CREG2: variants seen among roughly 807,000 people sequenced by gnomAD.
CREG2 encodes cellular repressor of E1A stimulated genes 2, also known as protein CREG2.
Under a neutral mutation model 26.2 loss-of-function variants are expected in CREG2, and 24 were observed. The ratio of observed to expected loss-of-function variants is 0.92; its 90% CI spans 0.66 to 1.29. The LOEUF is 1.29. CREG2 is among the 50% of genes most tolerant of loss of function. CREG2 has a pLI of 0.00. For missense variants in CREG2, 366 were observed against 398.6 expected, an observed-to-expected ratio of 0.92 and a Z score of 0.70; for synonymous variants, 174 against 169.2, an observed-to-expected ratio of 1.03 and a Z score of -0.22.
In CREG2 at chr2:101,348,621, T is replaced by C. The variant is rs1410593123; in HGVS notation, c.*2302A>G. On this transcript the variant is annotated 3_prime_UTR_variant, in exon 4 of 4. Coordinates refer to ENST00000324768, the MANE Select transcript of CREG2 (RefSeq NM_153836.4). ...AGCATAGAGAAATGCAATTGACTTTTGTATGCTGATCTTGTGTCCTGAGAC... is the reference window on the plus strand; with the variant it reads ...AGCATAGAGAAATGCAATTGACTTTCGTATGCTGATCTTGTGTCCTGAGAC... 6.6e-6 allele frequency: 1 copy of C among 152,246 alleles called. No homozygotes were observed. Among genetic ancestry groups the C allele is most frequent in the Non-Finnish European group, 1.5e-5 (1 of 68,042 alleles). 9.4% of individuals were successfully genotyped at this position (152,246 alleles called of 1,614,324 possible). A position where few individuals can be genotyped will look rare whatever the true frequency, so the allele number is the denominator to read the frequency against.
chr2:101,386,063 T>A (rs1684962743), intron 1 of CREG2, among the ~76,000 whole-genome samples: 2 of 152,324 alleles, frequency 1.3e-5, no homozygotes, highest in East Asian at 1.9e-4. Flanking sequence ...CATTTGACAC[T>A]GAAGAGGTTA....
rs192858444 is a variant in CREG2 at position 101,357,749 on chromosome 2, A to G, written c.612-2383T>C. ...CCCCTGTTTAGAAGTAAGAAAAGTG[A>G]AACTCAGAGGGGTTAAGTTGTCCAG... On this transcript the variant is annotated intron_variant, in intron 2 of 3. Coordinates refer to ENST00000324768, the MANE Select transcript of CREG2 (RefSeq NM_153836.4). Among the ~76,000 whole-genome samples the G allele has an allele frequency of 8.7e-4, 132 of 152,066 alleles. 2 individuals carry two copies. Among genetic ancestry groups the G allele is most frequent in the African/African-American group, 3.1e-3 (130 of 41,522 alleles).
At chr2:101,382,427 GAAA>G (rs11312683) in intron 2 of CREG2, 1,103 of 764,962 alleles carry the variant, frequency 1.4e-3, no homozygotes, top group Middle Eastern at 2.6e-3. Flanking sequence ...ACTCTATCTC[GAAA>G]AAAAAAAAAA....
At chr2:101,383,200 CT>C in intron 2 of CREG2, 2 of 355,378 alleles carry the variant, frequency 5.6e-6, no homozygotes, top group Non-Finnish European at 9.9e-6. Flanking sequence ...CACCCTCGCC[CT>C]TTTCCATAAC....
At position 101,346,517 on chromosome 2, in the gene CREG2, G is replaced by A. The variant is rs745504190; in HGVS notation, c.*4406C>T. The stretch of plus-strand genomic sequence containing the variant: ...TATACAGCAGATTTGTTGAATTCTT[G>A]TTAATTTGTATTTAACATTAAATTG... On this transcript the variant is annotated 3_prime_UTR_variant, in exon 4 of 4. Coordinates refer to ENST00000324768, the MANE Select transcript of CREG2 (RefSeq NM_153836.4). 6.6e-6 allele frequency: 1 copy of A among 152,080 alleles called. No individual in the cohort carries two copies. The highest frequency in any genetic ancestry group is 1.5e-5 in the Non-Finnish European group (1 of 68,016). 9.4% of individuals were successfully genotyped at this position (152,080 alleles called of 1,614,324 possible).
intron 2 of CREG2, chr2:101,382,414 GAA>G (rs1382322746): frequency 1.2e-6 from 1 of 853,156 alleles, no homozygotes; most frequent in Non-Finnish European, 1.4e-6. Flanking sequence ...AAACAAGAGC[GAA>G]ACTCTATCTC....
chr2:101,368,785 C>T (rs529251661), intron 2 of CREG2, among the ~76,000 whole-genome samples: 1 of 152,272 alleles, frequency 6.6e-6, no homozygotes, highest in East Asian at 1.9e-4. Flanking sequence ...GGCCCCTTGC[C>T]CCAAGTGAGG....
At position 101,387,447 on chromosome 2, in the gene CREG2, C is replaced by A. The variant is rs1038957036; in HGVS notation, c.11G>T (p.Arg4Leu). The part of the protein sequence containing the change: MSV[R>L]RGRRPARPGT... ...CGGCCGCGCCGGCCGCCGGCCGCGG[C>A]GCACGGACATCTTGCAGGCAGCACG... Residue 4 changes from arginine (R) to leucine (L), a missense_variant, in exon 1 of 4, where the codon CGC (arginine) becomes CTC (leucine). Physicochemically the swap from Arg to Leu is moderately radical, Grantham distance 102. Coordinates refer to ENST00000324768, the MANE Select transcript of CREG2 (RefSeq NM_153836.4). This position sits in a 1 kb window ranked among gnomAD's most constrained non-coding sequence, Gnocchi z 4.7. 32 of 1,212,368 alleles carry A rather than the reference C, an allele frequency of 2.6e-5. No homozygotes were observed. The highest frequency in any genetic ancestry group is 3.3e-5 in the Non-Finnish European group (32 of 963,150). 75.1% of individuals were successfully genotyped at this position (1,212,368 alleles called of 1,614,324 possible).
intron 2 of CREG2, among the ~76,000 whole-genome samples, chr2:101,381,000 T>C (rs1684863647): frequency 6.6e-6 from 1 of 152,106 alleles, no homozygotes; most frequent in Non-Finnish European, 1.5e-5. Flanking sequence ...CAGTTTTCAT[T>C]GTTCTGAGTA....
At chr2:101,378,964 C>T (rs568914537) in intron 2 of CREG2, among the ~76,000 whole-genome samples, 9 of 151,930 alleles carry the variant, frequency 5.9e-5, no homozygotes, top group Admixed American at 5.9e-4. Flanking sequence ...CGAGATTGCA[C>T]CACTGCACTC....
At chr2:101,355,855 C>T (rs1684449854) in intron 2 of CREG2, among the ~76,000 whole-genome samples, 1 of 152,058 alleles carries the variant, frequency 6.6e-6, no homozygotes, top group South Asian at 2.1e-4. Flanking sequence ...TCCCAGAGGG[C>T]ATGTATTACA....
chr2:101,353,798 G>T (rs1476684885), intron 3 of CREG2, among the ~76,000 whole-genome samples: 3 of 152,178 alleles, frequency 2.0e-5, no homozygotes, highest in African/African-American at 7.2e-5. Context: ...AAAAGGATGA[G>T]TTCATGTCCT....
At chr2:101,356,897 C>CT (rs1211153593) in intron 2 of CREG2, among the ~76,000 whole-genome samples, 11 of 147,070 alleles carry the variant, frequency 7.5e-5, no homozygotes, top group South Asian at 2.2e-4. Context: ...ACTTTTTCTT[C>CT]TTTTTTTTTT....
intron 2 of CREG2, chr2:101,375,681 C>A: frequency 5.1e-6 from 1 of 197,254 alleles, no homozygotes; most frequent in Admixed American, 4.8e-5. Flanking sequence ...CTAGGCATTT[C>A]CTCGGGACCA....
chr2:101,367,235 T>C (rs555465850), intron 2 of CREG2, among the ~76,000 whole-genome samples: 3 of 152,282 alleles, frequency 2.0e-5, no homozygotes, highest in South Asian at 4.2e-4. Flanking sequence ...ACCCACTTCC[T>C]GGACAGGAGA....
intron 2 of CREG2, among the ~76,000 whole-genome samples, chr2:101,358,751 G>GCAGGA (rs1684497781): frequency 2.7e-5 from 3 of 110,494 alleles, no homozygotes; most frequent in African/African-American, 8.3e-5. Context: ...TGAGAACTGA[G>GCAGGA]GTGGCCGGGC....
rs867956836 is a variant in CREG2 at position 101,347,639 on chromosome 2, T to C, written c.*3284A>G. ...CATTTTTATATCCTCTGCAGTGAAA[T>C]GTCTGTTCATGTGCTCCATTTTCTA... On this transcript the variant is annotated 3_prime_UTR_variant, in exon 4 of 4. Transcript: ENST00000324768. The C allele has an allele frequency of 2.6e-5, 4 of 152,324 alleles. No homozygotes were observed. The highest frequency in any genetic ancestry group is 7.2e-5 in the African/African-American group (3 of 41,586). 9.4% of individuals were successfully genotyped at this position (152,324 alleles called of 1,614,324 possible).
chr2:101,364,900 T>G (rs1684597480), intron 2 of CREG2, among the ~76,000 whole-genome samples: 1 of 152,194 alleles, frequency 6.6e-6, no homozygotes, highest in South Asian at 2.1e-4. Context: ...CAGGACATGC[T>G]GACGGGTGGG....
At chr2:101,370,751 A>G (rs1684691094) in intron 2 of CREG2, among the ~76,000 whole-genome samples, 1 of 152,156 alleles carries the variant, frequency 6.6e-6, no homozygotes, top group East Asian at 1.9e-4. Flanking sequence ...GCTGAAGCCC[A>G]CCAAATGGTT....
Sources: allele counts gnomAD v4.1 joint callset (sites outside exome capture counted in the v4.1 genomes callset), GRCh38; gene constraint gnomAD v4.1.1; non-coding constraint Gnocchi (gnomAD v3.1); transcripts MANE v1.5; gene names NCBI Gene and HGNC (gene_info 2026-07-23, HGNC 2026-07-21).